The following NT5C1A variants were observed in gnomAD, a reference collection of about 807,000 sequenced individuals.
NT5C1A encodes cytosolic 5'-nucleotidase 1A.
Under a neutral mutation model 31.0 loss-of-function variants are expected in NT5C1A, and 18 were observed. The ratio of observed to expected loss-of-function variants is 0.58; its 90% CI spans 0.40 to 0.86. The LOEUF (loss-of-function observed/expected upper bound fraction) is 0.86, where lower values mean the gene tolerates loss of function less well. Among genes scored for constraint, NT5C1A ranks in the 40% least tolerant of loss-of-function variants. The pLI is 0.00. For missense variants in NT5C1A, 470 were observed against 505.4 expected, an observed-to-expected ratio of 0.93 and a Z score of 0.67; for synonymous variants, 185 against 203.6, an observed-to-expected ratio of 0.91 and a Z score of 0.78.
chr1:39,659,096 T>A lies in NT5C1A; in HGVS notation c.*25A>T. 1 of 1,562,486 alleles carries A rather than the reference T, an allele frequency of 6.4e-7. No homozygotes were observed. The highest frequency in any genetic ancestry group is 1.2e-5 in the South Asian group (1 of 83,028). ...GTATGTCAGGGAGCCTGGAGCAATG[T>A]GGATCAGTAAAGCCGGTGGTTCAGC... is the stretch of plus-strand genomic sequence containing the variant. On this transcript the variant is annotated 3_prime_UTR_variant, in exon 6 of 6. Transcript: ENST00000235628.
At chr1:39,666,028 C>A (rs748557812) in intron 2 of NT5C1A, 41 bp downstream of exon 2, 2 of 1,580,584 alleles carry the variant, frequency 1.3e-6, no homozygotes, top group Non-Finnish European at 1.7e-6. Context: ...CTAATCCCCA[C>A]GAAGGCGCTA....
At position 39,656,988 on chromosome 1, in the gene NT5C1A, A is replaced by T. The variant is rs929570871; in HGVS notation, c.*2133T>A. Among the ~76,000 whole-genome samples the T allele has an allele frequency of 4.6e-5, 7 of 152,202 alleles. No individual in the cohort carries two copies. Among genetic ancestry groups the T allele is most frequent in the Non-Finnish European group, 1.0e-4 (7 of 68,032 alleles). On this transcript the variant is annotated 3_prime_UTR_variant, in exon 6 of 6. Transcript: ENST00000235628. Reference sequence around the variant, plus strand: ...GGCTTGGAGCTCTGGAAGTAGACACAACCCGGGTCTTCTGCCCCAAGGCCT... The same window carrying T: ...GGCTTGGAGCTCTGGAAGTAGACACTACCCGGGTCTTCTGCCCCAAGGCCT...
At position 39,656,795 on chromosome 1, in the gene NT5C1A, G is replaced by A. The variant is rs1646461044; in HGVS notation, c.*2326C>T. 6.6e-6 allele frequency among the ~76,000 whole-genome samples: 1 copy of A among 152,270 alleles called. No homozygotes were observed. The highest frequency in any genetic ancestry group is 1.5e-5 in the Non-Finnish European group (1 of 68,042). ...GGCTTCTTGCAGTCACTGGTTCTGT[G>A]AGCCTTGGAGGCTCTTCCACGGGGG... On this transcript the variant is annotated 3_prime_UTR_variant, in exon 6 of 6. Transcript: ENST00000235628.
At chr1:39,668,452 C>G (rs1209602685) in intron 1 of NT5C1A, among the ~76,000 whole-genome samples, 1 of 152,180 alleles carries the variant, frequency 6.6e-6, no homozygotes, top group African/African-American at 2.4e-5. Flanking sequence ...CCATCCCGCC[C>G]CTGGTTGTTG....
chr1:39,668,506 T>C (rs1646534424), intron 1 of NT5C1A, among the ~76,000 whole-genome samples: 1 of 152,184 alleles, frequency 6.6e-6, no homozygotes, highest in Admixed American at 6.5e-5. Context: ...AGTCCTCTGC[T>C]TCTCTCTTTT....
Position 39,656,350 on chromosome 1 carries a change from G to C in NT5C1A, c.*2771C>G, listed in dbSNP as rs760333440. ...CTCCTCACCTCTAAGACAATCAGAA[G>C]GCCCGTGTAACTGCTGCCTAAGACT... is the stretch of plus-strand genomic sequence containing the variant. On this transcript the variant is annotated 3_prime_UTR_variant, in exon 6 of 6. Transcript: ENST00000235628. Among the ~76,000 whole-genome samples the C allele has an allele frequency of 1.3e-5, 2 of 152,238 alleles. No homozygotes were observed.
intron 1 of NT5C1A, among the ~76,000 whole-genome samples, chr1:39,667,863 C>G (rs1005941118): frequency 6.6e-6 from 1 of 152,324 alleles, no homozygotes. Context: ...GACTGAGGAG[C>G]TGAATTTTAG....
rs1054634948 is a variant in NT5C1A at position 39,658,357 on chromosome 1, TATAG to T, written c.*760_*763del. On this transcript the variant is annotated 3_prime_UTR_variant, in exon 6 of 6. Transcript: ENST00000235628. ...CCAGTGGTTTCAAAATGTGTAAAATTATAGATAGAGTTGCTGGGGGCGATTTTGC... is the reference window on the plus strand; with the variant it reads ...CCAGTGGTTTCAAAATGTGTAAAATTATAGAGTTGCTGGGGGCGATTTTGC... Among the ~76,000 whole-genome samples the T allele has an allele frequency of 2.0e-4, 30 of 152,268 alleles. No individual in the cohort carries two copies. Among genetic ancestry groups the T allele is most frequent in the African/African-American group, 6.7e-4 (28 of 41,532 alleles).
chr1:39,671,613 CCCCGGCGG>C, intron 1 of NT5C1A, among the ~76,000 whole-genome samples: 1 of 152,324 alleles, frequency 6.6e-6, no homozygotes, highest in Non-Finnish European at 1.5e-5. Flanking sequence ...AATCCGCGCT[CCCCGGCGG>C]CCCGAGTGGG....
rs527716558 is a variant in NT5C1A at position 39,654,080 on chromosome 1, T to C, written c.*5041A>G. 3.3e-5 allele frequency among the ~76,000 whole-genome samples: 5 copies of C among 152,272 alleles called. No individual in the cohort carries two copies. Among genetic ancestry groups the C allele is most frequent in the Non-Finnish European group, 7.4e-5 (5 of 68,024 alleles). The stretch of plus-strand genomic sequence containing the variant: ...TAGCGACAGCAATGATGGCTGTAGA[T>C]GGGGCGTCTTCCATACTGTCTGTTC... On this transcript the variant is annotated 3_prime_UTR_variant, in exon 6 of 6. Coordinates refer to ENST00000235628, the MANE Select transcript of NT5C1A (RefSeq NM_032526.3).
At chr1:39,669,285 G>A (rs1646538334) in intron 1 of NT5C1A, among the ~76,000 whole-genome samples, 1 of 152,148 alleles carries the variant, frequency 6.6e-6, no homozygotes, top group African/African-American at 2.4e-5. Context: ...TCCCATTTAG[G>A]CTAACGTAAT....
At position 39,652,980 on chromosome 1, in the gene NT5C1A, G is replaced by C. The variant is rs1646439691; in HGVS notation, c.*6141C>G. ...CTGTATACAGTTGGCAGGTTGTGCA[G>C]GTGTCTAATAGGTACTACCCATGTC... On this transcript the variant is annotated 3_prime_UTR_variant, in exon 6 of 6. Transcript: ENST00000235628. Among the ~76,000 whole-genome samples the C allele has an allele frequency of 6.6e-6, 1 of 152,070 alleles. No homozygotes were observed. The highest frequency in any genetic ancestry group is 2.4e-5 in the African/African-American group (1 of 41,398).
rs1315130384 is a variant in NT5C1A, at chr1:39,656,213, G to A, written c.*2908C>T. Among the ~76,000 whole-genome samples, 3 of 152,202 alleles carry A rather than the reference G, an allele frequency of 2.0e-5. No individual in the cohort carries two copies. The highest frequency in any genetic ancestry group is 4.4e-5 in the Non-Finnish European group (3 of 68,044). On this transcript the variant is annotated 3_prime_UTR_variant, in exon 6 of 6. Transcript: ENST00000235628. ...AAAGGGGTCCAGTGTTTCAGAAGCC[G>A]TGGCTGCTCCACCTCAGTGCTGCAT...
intron 3 of NT5C1A, 147 bp downstream of exon 3, chr1:39,665,374 G>T: frequency 1.5e-6 from 1 of 676,170 alleles, no homozygotes; most frequent in Non-Finnish European, 2.2e-6. Flanking sequence ...GGTTTTGTTT[G>T]TTTGTTTAAA....
intron 1 of NT5C1A, among the ~76,000 whole-genome samples, chr1:39,669,581 A>T (rs1363242493): frequency 6.6e-6 from 1 of 152,146 alleles, no homozygotes; most frequent in Non-Finnish European, 1.5e-5. Context: ...AAGGAATAGG[A>T]GCTGGGAAGC....
intron 1 of NT5C1A, among the ~76,000 whole-genome samples, chr1:39,671,641 G>A (rs1156831023): frequency 6.6e-6 from 1 of 152,204 alleles, no homozygotes; most frequent in Admixed American, 6.5e-5. Flanking sequence ...GGAGGGGCTG[G>A]GGCTGCGGGC....
rs34131880 is a variant in NT5C1A at position 39,656,074 on chromosome 1, AG to A, written c.*3046del. On this transcript the variant is annotated 3_prime_UTR_variant, in exon 6 of 6. Coordinates refer to ENST00000235628, the MANE Select transcript of NT5C1A (RefSeq NM_032526.3). ...CTGAGCAGTCTCAGTGCTTAGTAAC[AG>A]GGCTTCCATTTTTCTGCTAAGCAGC... Among the ~76,000 whole-genome samples the A allele has an allele frequency of 0.26, 39,368 of 152,042 alleles. 5,386 individuals carry two copies. The highest frequency in any genetic ancestry group is 0.3 in the Non-Finnish European group (20,665 of 67,978).
chr1:39,665,937 G>C, intron 2 of NT5C1A, 132 bp downstream of exon 2: 1 of 859,408 alleles, frequency 1.2e-6, no homozygotes, highest in Non-Finnish European at 1.8e-6. Flanking sequence ...CTGTCACCTA[G>C]CCAAGCTGTG....
At chr1:39,669,007 C>A (rs1035135434) in intron 1 of NT5C1A, among the ~76,000 whole-genome samples, 2 of 152,204 alleles carry the variant, frequency 1.3e-5, no homozygotes, top group African/African-American at 4.8e-5. Context: ...GACATAGAGA[C>A]CCTCCTGGGC....
Sources: gnomAD v4.1 joint callset for allele counts (sites outside exome capture counted in the v4.1 genomes callset) on GRCh38, gnomAD v4.1.1 for gene constraint, MANE v1.5 for transcripts, NCBI Gene and HGNC (gene_info 2026-07-23, HGNC 2026-07-21) for gene names.